The following TRAM2 variants were observed in gnomAD, a reference collection of about 807,000 sequenced individuals.
TRAM2 encodes translocation associated membrane protein 2.
In TRAM2, 12 loss-of-function variants were observed where a neutral mutation model predicts 51.0. The ratio of observed to expected loss-of-function variants is 0.24; its 90% CI spans 0.15 to 0.38. TRAM2 has a LOEUF of 0.38. Among genes scored for constraint, TRAM2 ranks in the 10% least tolerant of loss-of-function variants. The pLI is 1.00. For missense variants in TRAM2, 361 were observed against 462.0 expected, an observed-to-expected ratio of 0.78 and a Z score of 2.00; for synonymous variants, 175 against 179.4, an observed-to-expected ratio of 0.98 and a Z score of 0.20.
intron 4 of TRAM2, among the ~76,000 whole-genome samples, chr6:52,510,130 A>G (rs1206606129): frequency 2.6e-5 from 4 of 152,208 alleles, no homozygotes; most frequent in African/African-American, 7.2e-5. Context: ...GCAGGACCCC[A>G]TAGGCCTCAC....
intron 1 of TRAM2, among the ~76,000 whole-genome samples, chr6:52,538,760 T>C (rs568022606): frequency 1.3e-5 from 2 of 152,312 alleles, no homozygotes; most frequent in East Asian, 1.9e-4. Flanking sequence ...TAAAGGAAGA[T>C]AGACATCTGG....
At chr6:52,523,299 C>T (rs1766710664) in intron 2 of TRAM2, 1 of 182,850 alleles carries the variant, frequency 5.5e-6, no homozygotes, top group African/African-American at 2.4e-5. Flanking sequence ...ATTTACAATT[C>T]AGATCAGAGA....
Position 52,497,787 on chromosome 6 carries a change from T to C in TRAM2, c.*5410A>G, listed in dbSNP as rs1766114948. 6.5e-6 allele frequency: 1 copy of C among 152,704 alleles called. No homozygotes were observed. The highest frequency in any genetic ancestry group is 2.4e-5 in the African/African-American group (1 of 41,548). 9.5% of individuals were successfully genotyped at this position (152,704 alleles called of 1,614,324 possible). ...CCGAAAAATGAGGTTTACAGTCTCA[T>C]CACATGAACACTCAAATCTGTACCC... On this transcript the variant is annotated 3_prime_UTR_variant, in exon 11 of 11. Coordinates refer to ENST00000182527, the MANE Select transcript of TRAM2 (RefSeq NM_012288.4).
intron 1 of TRAM2, among the ~76,000 whole-genome samples, chr6:52,540,327 G>A (rs1767055593): frequency 6.6e-6 from 1 of 152,040 alleles, no homozygotes; most frequent in Non-Finnish European, 1.5e-5. Flanking sequence ...GAATGGTAAT[G>A]TAAAATGGAA....
At chr6:52,519,952 T>G (rs1766637158) in intron 2 of TRAM2, among the ~76,000 whole-genome samples, 1 of 152,178 alleles carries the variant, frequency 6.6e-6, no homozygotes, top group Non-Finnish European at 1.5e-5. Context: ...CTAGTCAAAT[T>G]CAGAGACAGA....
At chr6:52,510,581 G>T (rs568770801) in intron 4 of TRAM2, among the ~76,000 whole-genome samples, 1 of 152,300 alleles carries the variant, frequency 6.6e-6, no homozygotes, top group South Asian at 2.1e-4. Context: ...CAATCTCAGA[G>T]AAAGGAAAAG....
At chr6:52,507,670 A>C in intron 6 of TRAM2, 47 bp from the exon 7 acceptor site, 1 of 1,585,246 alleles carries the variant, frequency 6.3e-7, no homozygotes, top group Admixed American at 1.7e-5. Context: ...TCCCTAACTG[A>C]AGATTCAGGG....
At position 52,502,271 on chromosome 6, in the gene TRAM2, T is replaced by TGTTTG. The variant is rs1766245612; in HGVS notation, c.*921_*925dup. 1 of 152,260 alleles carries TGTTTG rather than the reference T, an allele frequency of 6.6e-6. No individual in the cohort carries two copies. The highest frequency in any genetic ancestry group is 1.5e-5 in the Non-Finnish European group (1 of 68,074). The allele number at this position is 152,260 out of a possible 1,614,324, so 9.4% of individuals were successfully genotyped here. ...TATCTCAGGCAGGTATATGAACTGC[T>TGTTTG]GTTTGGTTTGGTTTTGAATGCTTGT... On this transcript the variant is annotated 3_prime_UTR_variant, in exon 11 of 11. Transcript: ENST00000182527.
chr6:52,573,263 G>T (rs1767709160), intron 1 of TRAM2, among the ~76,000 whole-genome samples: 1 of 152,142 alleles, frequency 6.6e-6, no homozygotes, highest in African/African-American at 2.4e-5. Flanking sequence ...GGAAGGTGGA[G>T]GGGGAGGAGG....
At chr6:52,551,574 G>C (rs571497543) in intron 1 of TRAM2, among the ~76,000 whole-genome samples, 1 of 152,232 alleles carries the variant, frequency 6.6e-6, no homozygotes, top group African/African-American at 2.4e-5. Context: ...TTTTCCTACA[G>C]CTGAGTAGCT....
At chr6:52,513,314 T>C (rs561216118) in intron 4 of TRAM2, among the ~76,000 whole-genome samples, 30 of 152,334 alleles carry the variant, frequency 2.0e-4, no homozygotes, top group African/African-American at 7.2e-4. Context: ...TTTAAAAATG[T>C]TGAAGGCTGG....
chr6:52,508,859 T>G (rs1766397558), intron 5 of TRAM2, among the ~76,000 whole-genome samples: 1 of 151,896 alleles, frequency 6.6e-6, no homozygotes, highest in Admixed American at 6.6e-5. Context: ...CATGGTGAAA[T>G]CCCATCTCTA....
intron 10 of TRAM2, among the ~76,000 whole-genome samples, chr6:52,503,913 GCGTGT>G (rs1766289573): frequency 2.0e-5 from 3 of 152,148 alleles, no homozygotes; most frequent in Admixed American, 2.0e-4. Context: ...CCAGCTGCGC[GCGTGT>G]CTGGTTCAAA....
At chr6:52,539,343 C>T (rs60875431) in intron 1 of TRAM2, among the ~76,000 whole-genome samples, 1,574 of 152,314 alleles carry the variant, frequency 0.01, 20 homozygotes, top group African/African-American at 0.035. Flanking sequence ...GTGTTTGCAG[C>T]TCTGCACATC....
intron 6 of TRAM2, 37 bp downstream of exon 6, chr6:52,508,197 G>T (rs1449879037): frequency 6.3e-7 from 1 of 1,599,180 alleles, no homozygotes; most frequent in Non-Finnish European, 8.6e-7. Context: ...AGTGGTCAAT[G>T]AATGGCCTCC....
At chr6:52,542,280 A>C (rs200547953) in intron 1 of TRAM2, among the ~76,000 whole-genome samples, 18,618 of 125,628 alleles carry the variant, frequency 0.15, 1,308 homozygotes, top group African/African-American at 0.2. Context: ...TTTTTTTAAA[A>C]AAAATAGTCT....
Position 52,507,643 on chromosome 6 carries a change from A to G in TRAM2, c.556-20T>C. The G allele has an allele frequency of 1.9e-6, 3 of 1,613,568 alleles. No individual in the cohort carries two copies. The highest frequency in any genetic ancestry group is 1.1e-5 in the South Asian group (1 of 90,964). Reference sequence around the variant, plus strand: ...TTCCTCCTGGAAACAAGAGAAGCAGATGGTAAATTTGCTAATTCCCTAACT... The same window carrying G: ...TTCCTCCTGGAAACAAGAGAAGCAGGTGGTAAATTTGCTAATTCCCTAACT... On this transcript the variant is annotated intron_variant, in intron 6 of 10. Transcript: ENST00000182527.
intron 1 of TRAM2, among the ~76,000 whole-genome samples, chr6:52,546,107 A>G (rs1470661044): frequency 1.3e-5 from 2 of 152,146 alleles, no homozygotes; most frequent in Non-Finnish European, 2.9e-5. Context: ...TTCACCAGCA[A>G]CGTTCTACCT....
intron 4 of TRAM2, among the ~76,000 whole-genome samples, chr6:52,513,869 G>C (rs1766494913): frequency 6.6e-6 from 1 of 152,228 alleles, no homozygotes; most frequent in African/African-American, 2.4e-5. Context: ...TACAAGAGTG[G>C]AAACAGTCTC....
Sources: allele counts gnomAD v4.1 joint callset (sites outside exome capture counted in the v4.1 genomes callset), GRCh38; gene constraint gnomAD v4.1.1; transcripts MANE v1.5; gene names NCBI Gene and HGNC (gene_info 2026-07-23, HGNC 2026-07-21).